Variants in GBE1 observed in about 807,000 individuals in gnomAD.
GBE1 encodes 1,4-alpha-glucan-branching enzyme.
GBE1 carries 70 observed loss-of-function variants against 88.8 expected under a neutral mutation model. The ratio of observed to expected loss-of-function variants is 0.79; its 90% confidence interval spans 0.65 to 0.96. GBE1 has a LOEUF of 0.96. Among genes scored for constraint, GBE1 ranks in the 40% least tolerant of loss-of-function variants. The probability of loss-of-function intolerance (pLI) is 0.00; values close to 1 mark genes in which losing one functional copy is unlikely to be tolerated. For missense variants in GBE1, 872 were observed against 871.0 expected, an observed-to-expected ratio of 1.00 and a Z score of -0.01; for synonymous variants, 284 against 300.1, an observed-to-expected ratio of 0.95 and a Z score of 0.56.
At chr3:81,671,434 A>G (rs1705187899) in intron 2 of GBE1, among the ~76,000 whole-genome samples, 1 of 152,094 alleles carries the variant, frequency 6.6e-6, no homozygotes, top group African/African-American at 2.4e-5. Context: ...AGAAAGGTAG[A>G]AGGTTATATA....
At chr3:81,702,340 G>GT (rs899764622) in intron 2 of GBE1, among the ~76,000 whole-genome samples, 22 of 151,702 alleles carry the variant, frequency 1.5e-4, no homozygotes, top group African/African-American at 5.1e-4. Flanking sequence ...CAAATTGTTT[G>GT]TTTTTGAAAG....
At chr3:81,606,440 C>A (rs1179015248) in intron 7 of GBE1, among the ~76,000 whole-genome samples, 1 of 152,228 alleles carries the variant, frequency 6.6e-6, no homozygotes, top group Non-Finnish European at 1.5e-5. Flanking sequence ...AGGTCAAAAT[C>A]CTGCCCAGGC....
At chr3:81,653,422 G>C (rs1287724142) in intron 3 of GBE1, among the ~76,000 whole-genome samples, 1 of 151,890 alleles carries the variant, frequency 6.6e-6, no homozygotes, top group Non-Finnish European at 1.5e-5. Flanking sequence ...AGAGTTCAAG[G>C]GTACAGTGAG....
intron 7 of GBE1, among the ~76,000 whole-genome samples, chr3:81,607,895 GTTA>G (rs1374329361): frequency 6.6e-6 from 1 of 151,618 alleles, no homozygotes; most frequent in Admixed American, 6.6e-5. Flanking sequence ...TTTTGTATTT[GTTA>G]TTATTTTCTA....
chr3:81,501,874 T>C (rs1199202343), intron 14 of GBE1, among the ~76,000 whole-genome samples: 15 of 151,448 alleles, frequency 9.9e-5, no homozygotes, highest in Admixed American at 9.9e-4. Context: ...GATTTTTATA[T>C]TTTTCGTAGA....
chr3:81,603,956 A>G (rs1458932596), intron 7 of GBE1, among the ~76,000 whole-genome samples: 1 of 152,166 alleles, frequency 6.6e-6, no homozygotes, highest in Non-Finnish European at 1.5e-5. Flanking sequence ...AATGGCCTGA[A>G]AAAAATGACA....
At chr3:81,695,205 A>T (rs1705573948) in intron 2 of GBE1, among the ~76,000 whole-genome samples, 1 of 152,290 alleles carries the variant, frequency 6.6e-6, no homozygotes, top group South Asian at 2.1e-4. Flanking sequence ...CTTGACACAC[A>T]TTTTCATAAC....
chr3:81,667,650 C>A (rs1410108694), intron 3 of GBE1, among the ~76,000 whole-genome samples: 3 of 152,112 alleles, frequency 2.0e-5, no homozygotes, highest in African/African-American at 7.2e-5. Context: ...GAGTTTTTAA[C>A]ATGAAGGGAT....
At chr3:81,758,815 GA>G (rs1706637968) in intron 1 of GBE1, among the ~76,000 whole-genome samples, 3 of 152,306 alleles carry the variant, frequency 2.0e-5, no homozygotes, top group African/African-American at 7.2e-5. Context: ...CACAGGTACA[GA>G]AGGTGAAAAG....
intron 1 of GBE1, among the ~76,000 whole-genome samples, chr3:81,713,161 T>A (rs1705894165): frequency 6.6e-6 from 1 of 152,238 alleles, no homozygotes; most frequent in African/African-American, 2.4e-5. Flanking sequence ...AAGCAAGTGT[T>A]CACAGAAGAA....
intron 11 of GBE1, among the ~76,000 whole-genome samples, chr3:81,578,925 C>A (rs1185423378): frequency 6.6e-6 from 1 of 151,914 alleles, no homozygotes; most frequent in Non-Finnish European, 1.5e-5. Context: ...CTATCTTTAA[C>A]CTACTTTAAT....
chr3:81,631,506 G>C (rs1234812081), intron 7 of GBE1, among the ~76,000 whole-genome samples: 2 of 151,956 alleles, frequency 1.3e-5, no homozygotes, highest in African/African-American at 2.4e-5. Context: ...GAAGGCCAAG[G>C]TGGGCAGATC....
chr3:81,644,853 T>C (rs1704742402), intron 6 of GBE1, among the ~76,000 whole-genome samples: 1 of 152,136 alleles, frequency 6.6e-6, no homozygotes, highest in Non-Finnish European at 1.5e-5. Context: ...ATTTGGGATA[T>C]ATTTTGAAGT....
intron 1 of GBE1, among the ~76,000 whole-genome samples, chr3:81,710,398 C>T (rs1378262483): frequency 1.3e-5 from 2 of 150,534 alleles, no homozygotes; most frequent in Non-Finnish European, 3.0e-5. Flanking sequence ...CCACGCCCGG[C>T]TTATTTTAAG....
At chr3:81,495,345 C>T (rs533634974) in intron 15 of GBE1, among the ~76,000 whole-genome samples, 202 of 152,188 alleles carry the variant, frequency 1.3e-3, no homozygotes, top group African/African-American at 4.4e-3. Flanking sequence ...GTCAAGATCA[C>T]GCCACTGCAC....
chr3:81,741,832 T>C (rs1188648881), intron 1 of GBE1, among the ~76,000 whole-genome samples: 1 of 147,946 alleles, frequency 6.8e-6, no homozygotes, highest in Non-Finnish European at 1.5e-5. Flanking sequence ...ATACATATTA[T>C]ATAGATTATA....
chr3:81,674,851 C>T lies in GBE1; in HGVS notation c.314-3898G>A, dbSNP rs1705231932. Among the ~76,000 whole-genome samples, 3 of 151,802 alleles carry T rather than the reference C, an allele frequency of 2.0e-5. No homozygotes were observed. In the South Asian group the frequency reaches 6.2e-4, roughly 32 times the overall value. ...CAAAGAGTTTGCATTGCTATGCAGA[C>T]CTGAGGATGGAAATAAACATGACTC... On this transcript the variant is annotated intron_variant, in intron 2 of 15. Transcript: ENST00000429644.
intron 1 of GBE1, among the ~76,000 whole-genome samples, chr3:81,742,676 C>T (rs1313513000): frequency 6.6e-6 from 1 of 151,824 alleles, no homozygotes; most frequent in African/African-American, 2.4e-5. Flanking sequence ...GGGCCTGAGG[C>T]GAAAGAAGTT....
At chr3:81,682,089 AC>A (rs1705353494) in intron 2 of GBE1, among the ~76,000 whole-genome samples, 1 of 152,204 alleles carries the variant, frequency 6.6e-6, no homozygotes, top group Admixed American at 6.5e-5. Context: ...AAAAAAGACA[AC>A]CCAATTTTTA....
Sources: allele counts gnomAD v4.1 joint callset (sites outside exome capture counted in the v4.1 genomes callset), GRCh38; gene constraint gnomAD v4.1.1; transcripts MANE v1.5; gene names NCBI Gene and HGNC (gene_info 2026-07-23, HGNC 2026-07-21).